Variants in FAM89A observed in about 807,000 individuals in gnomAD.
FAM89A encodes protein FAM89A.
Under a neutral mutation model 7.1 loss-of-function variants are expected in FAM89A, and 10 were observed. The ratio of observed to expected loss-of-function variants is 1.40; its 90% confidence interval spans 0.86 to 2.38. FAM89A has a LOEUF of 2.38. Among genes scored for constraint, FAM89A ranks in the 30% most tolerant of loss-of-function variants. FAM89A has a pLI of 0.00. For missense variants in FAM89A, 276 were observed against 262.8 expected (o/e 1.05, Z -0.35); for synonymous variants, 157 against 129.3 (o/e 1.21, Z -1.45).
chr1:231,023,158 T>C (rs1572353819), intron 1 of FAM89A, among the ~76,000 whole-genome samples: 1 of 152,184 alleles, frequency 6.6e-6, no homozygotes, highest in East Asian at 1.9e-4. Flanking sequence ...CCCAGGTCAC[T>C]GTTGCCCCAT....
chr1:231,028,441 T>C (rs1371953901), intron 1 of FAM89A: 1 of 152,040 alleles, frequency 6.6e-6, no homozygotes, highest in Non-Finnish European at 1.5e-5. Flanking sequence ...TAAGTCACCA[T>C]GAACAAGAAC....
Position 231,034,487 on chromosome 1 carries a change from T to TTCCTGCTGAGCACAGTGGCTCACGCCTG in FAM89A, c.291+5406_291+5433dup, listed in dbSNP as rs1184805722. On this transcript the variant is annotated intron_variant, in intron 1 of 1. Transcript: ENST00000366654. ...TTAAACGGCTTGTTAAAAATGCAGATTCCTGCTGAGCACAGTGGCTCACGC... is the reference window on the plus strand; with the variant it reads ...TTAAACGGCTTGTTAAAAATGCAGATTCCTGCTGAGCACAGTGGCTCACGCCTGTCCTGCTGAGCACAGTGGCTCACGC... 1.2e-3 allele frequency among the ~76,000 whole-genome samples: 182 copies of TTCCTGCTGAGCACAGTGGCTCACGCCTG among 152,164 alleles called. 4 individuals carry two copies. Among genetic ancestry groups the TTCCTGCTGAGCACAGTGGCTCACGCCTG allele is most frequent in the Non-Finnish European group, 7.3e-5 (5 of 68,036 alleles).
intron 1 of FAM89A, chr1:231,021,628 T>G: frequency 6.5e-7 from 1 of 1,539,746 alleles, no homozygotes; most frequent in Non-Finnish European, 9.0e-7. Context: ...CAAGAAAGCG[T>G]CGAGGTGGAG....
chr1:231,035,781 T>C (rs1680148836), intron 1 of FAM89A, among the ~76,000 whole-genome samples: 1 of 152,242 alleles, frequency 6.6e-6, no homozygotes, highest in South Asian at 2.1e-4. Context: ...TATTTTTATA[T>C]AGAACGGGGT....
Position 231,033,971 on chromosome 1 carries a change from T to C in FAM89A, c.291+5950A>G, listed in dbSNP as rs114519790. On this transcript the variant is annotated intron_variant, in intron 1 of 1. Coordinates refer to ENST00000366654, the MANE Select transcript of FAM89A (RefSeq NM_198552.3). ...CACACAAACTAATATATATTCTTTT[T>C]TCAGTTTTTGCTTTTATAGGGTGGA... Among the ~76,000 whole-genome samples, 150 of 152,278 alleles carry C rather than the reference T, an allele frequency of 9.9e-4. 1 individual carries two copies. Among genetic ancestry groups the C allele is most frequent in the African/African-American group, 3.6e-3 (149 of 41,538 alleles).
intron 1 of FAM89A, among the ~76,000 whole-genome samples, chr1:231,037,055 G>A (rs1341445271): frequency 6.6e-6 from 1 of 152,192 alleles, no homozygotes; most frequent in Non-Finnish European, 1.5e-5. Context: ...TGTGATCAAT[G>A]TGTTGTATAT....
At chr1:231,035,608 G>A (rs536171732) in intron 1 of FAM89A, among the ~76,000 whole-genome samples, 1 of 152,278 alleles carries the variant, frequency 6.6e-6, no homozygotes, top group South Asian at 2.1e-4. Context: ...AAAAATCTAT[G>A]CAAGGACTGG....
intron 1 of FAM89A, among the ~76,000 whole-genome samples, chr1:231,037,311 C>G (rs73110156): frequency 0.047 from 7,082 of 152,250 alleles, 549 homozygotes; most frequent in African/African-American, 0.16. Flanking sequence ...TCCCAAAATA[C>G]TAAAAGTGAT....
chr1:231,039,112 A>C (rs1007035869), intron 1 of FAM89A, among the ~76,000 whole-genome samples: 4 of 152,246 alleles, frequency 2.6e-5, no homozygotes, highest in African/African-American at 7.2e-5. Context: ...TGTTGCCTAA[A>C]TCCCTGCCCT....
At chr1:231,036,307 C>T (rs1206368576) in intron 1 of FAM89A, among the ~76,000 whole-genome samples, 1 of 152,064 alleles carries the variant, frequency 6.6e-6, no homozygotes, top group African/African-American at 2.4e-5. Context: ...GTGATAAGCC[C>T]CTTAACATCT....
chr1:231,037,861 T>TA (rs201413525), intron 1 of FAM89A, among the ~76,000 whole-genome samples: 18 of 150,138 alleles, frequency 1.2e-4, no homozygotes, highest in East Asian at 5.8e-4. Context: ...ATGCTTGCTT[T>TA]AAAAAAAAAA....
intron 1 of FAM89A, chr1:231,026,126 G>C (rs1679965445): frequency 6.5e-6 from 1 of 154,002 alleles, no homozygotes; most frequent in Non-Finnish European, 1.5e-5. Context: ...TATTTCCATG[G>C]TTTCTTTTCC....
At chr1:231,021,656 G>A in intron 1 of FAM89A, 1 of 1,558,210 alleles carries the variant, frequency 6.4e-7, no homozygotes, top group Non-Finnish European at 8.8e-7. Flanking sequence ...TTCTAGACAA[G>A]CCCAGAAGCG....
chr1:231,023,862 G>C (rs1476794407), intron 1 of FAM89A, among the ~76,000 whole-genome samples: 2 of 152,126 alleles, frequency 1.3e-5, no homozygotes, highest in African/African-American at 2.4e-5. Context: ...CCCAGACTTG[G>C]AGCAAGGCAA....
chr1:231,022,849 C>T (rs529674322), intron 1 of FAM89A, among the ~76,000 whole-genome samples: 119 of 152,276 alleles, frequency 7.8e-4, no homozygotes, highest in Middle Eastern at 3.4e-3. Flanking sequence ...CTATTAGTGT[C>T]CCCCTCAGAG....
intron 1 of FAM89A, among the ~76,000 whole-genome samples, chr1:231,039,373 A>C (rs1680215109): frequency 6.6e-6 from 1 of 152,216 alleles, no homozygotes; most frequent in South Asian, 2.1e-4. Flanking sequence ...CTGCTTTCGC[A>C]GCCATCTGTG....
At chr1:231,028,116 G>T (rs554537692) in intron 1 of FAM89A, among the ~76,000 whole-genome samples, 2 of 152,340 alleles carry the variant, frequency 1.3e-5, no homozygotes, top group Admixed American at 6.5e-5. Flanking sequence ...CGCAGAAGTG[G>T]CCTGGCAGTG....
At chr1:231,020,361 C>A (rs183793922) in intron 1 of FAM89A, among the ~76,000 whole-genome samples, 7 of 152,230 alleles carry the variant, frequency 4.6e-5, no homozygotes, top group African/African-American at 1.4e-4. Context: ...GTGGGGCAAC[C>A]AGGGCAGCCT....
chr1:231,031,487 T>C (rs1680069050), intron 1 of FAM89A, among the ~76,000 whole-genome samples: 1 of 152,226 alleles, frequency 6.6e-6, no homozygotes, highest in African/African-American at 2.4e-5. Context: ...GGAAAATTGA[T>C]TCAATAAATT....
Sources: allele counts gnomAD v4.1 joint callset (sites outside exome capture counted in the v4.1 genomes callset), GRCh38; gene constraint gnomAD v4.1.1; transcripts MANE v1.5; gene names NCBI Gene and HGNC (gene_info 2026-07-23, HGNC 2026-07-21).